The following ATP2B2 variants were observed in gnomAD, a reference collection of about 807,000 sequenced individuals.
The protein encoded by ATP2B2 is plasma membrane calcium-transporting ATPase 2.
In ATP2B2, 15 loss-of-function variants were observed where a neutral mutation model predicts 120.0. The ratio of observed to expected loss-of-function variants is 0.12; its 90% CI spans 0.08 to 0.19. ATP2B2 has a LOEUF of 0.19. ATP2B2 is among the 10% of genes least tolerant of loss of function. The probability of loss-of-function intolerance (pLI) is 1.00; values close to 1 mark genes in which losing one functional copy is unlikely to be tolerated. For missense variants in ATP2B2, 1,045 were observed against 1,719.8 expected (o/e 0.61, Z 6.94); for synonymous variants, 694 against 700.3 (o/e 0.99, Z 0.14).
At chr3:10,550,083 C>T (rs1404299656) in intron 2 of ATP2B2, among the ~76,000 whole-genome samples, 2 of 152,250 alleles carry the variant, frequency 1.3e-5, no homozygotes, top group Non-Finnish European at 2.9e-5. Context: ...ACTTGTATCA[C>T]ATGACAGGTC....
At chr3:10,514,560 T>C (rs1418804507) in intron 3 of ATP2B2, among the ~76,000 whole-genome samples, 1 of 152,188 alleles carries the variant, frequency 6.6e-6, no homozygotes. Context: ...TAGCTTTCCA[T>C]TTTACAGATA....
intron 2 of ATP2B2, among the ~76,000 whole-genome samples, chr3:10,579,010 A>T (rs1419141161): frequency 3.9e-5 from 6 of 152,136 alleles, no homozygotes; most frequent in South Asian, 2.1e-4. Flanking sequence ...AGAGGTAAAA[A>T]TTCACCCAGG....
At chr3:10,385,205 G>T in intron 8 of ATP2B2, 63 bp downstream of exon 8, 1 of 1,528,288 alleles carries the variant, frequency 6.5e-7, no homozygotes, top group Non-Finnish European at 9.1e-7. Flanking sequence ...AAAGCCCAAA[G>T]TTGGGGTGGG....
At chr3:10,493,165 A>G (rs1215310687) in intron 1 of ATP2B2, among the ~76,000 whole-genome samples, 12 of 152,324 alleles carry the variant, frequency 7.9e-5, no homozygotes, top group Admixed American at 7.2e-4. Flanking sequence ...CAGACAGACA[A>G]CAAACAAGGG....
At position 10,550,422 on chromosome 3, in the gene ATP2B2, C is replaced by A. The variant is rs145101744; in HGVS notation, c.-414-16289G>T. On this transcript the variant is annotated intron_variant, in intron 2 of 21. Coordinates refer to the ATP2B2 transcript ENST00000646379. ...CTATATAATAAATTTTGATTTTTCC[C>A]TTTTTTATTTAGCATAGAAATAAAC... Among the ~76,000 whole-genome samples, 536 of 152,182 alleles carry A rather than the reference C, an allele frequency of 3.5e-3. 1 individual carries two copies. The highest frequency in any genetic ancestry group is 6.1e-3 in the Non-Finnish European group (417 of 68,002).
intron 2 of ATP2B2, among the ~76,000 whole-genome samples, chr3:10,582,634 G>T (rs1328627682): frequency 6.6e-6 from 1 of 152,258 alleles, no homozygotes; most frequent in Non-Finnish European, 1.5e-5. Context: ...TGATGTTTGA[G>T]CTGAGAATGG....
intron 1 of ATP2B2, among the ~76,000 whole-genome samples, chr3:10,675,109 C>T (rs778841283): frequency 5.3e-5 from 8 of 152,164 alleles, no homozygotes; most frequent in South Asian, 4.1e-4. Flanking sequence ...TCTACATAGG[C>T]GATGTGGGAA....
chr3:10,513,493 G>A (rs530396756), intron 3 of ATP2B2, among the ~76,000 whole-genome samples: 21 of 152,314 alleles, frequency 1.4e-4, no homozygotes, highest in Non-Finnish European at 2.4e-4. Flanking sequence ...GATGGAACCC[G>A]AAGATGAACA....
chr3:10,588,945 T>TA (rs1197349755), intron 2 of ATP2B2, among the ~76,000 whole-genome samples: 1 of 152,232 alleles, frequency 6.6e-6, no homozygotes, highest in Non-Finnish European at 1.5e-5. Context: ...GCCTGTGTGT[T>TA]AGATATTAGG....
chr3:10,409,847 A>G (rs56847834), intron 3 of ATP2B2, among the ~76,000 whole-genome samples: 10,693 of 152,298 alleles, frequency 0.07, 523 homozygotes, highest in African/African-American at 0.13. Context: ...TATGCAGCAC[A>G]TTCATTAGGA....
intron 1 of ATP2B2, among the ~76,000 whole-genome samples, chr3:10,474,478 G>C (rs1020730495): frequency 4.6e-5 from 7 of 152,178 alleles, no homozygotes; most frequent in African/African-American, 1.7e-4. Flanking sequence ...GCCAGAGAAG[G>C]GAAAAGACTC....
At position 10,585,140 on chromosome 3, in the gene ATP2B2, T is replaced by C. The variant is rs568599204; in HGVS notation, c.-415+34777A>G. ...TCCCACAGAGCAGCCAGATGGATCA[T>C]TCCAAAGCACAGGTCACGCCACACC... is the stretch of plus-strand genomic sequence containing the variant. On this transcript the variant is annotated intron_variant, in intron 2 of 21. Coordinates refer to the ATP2B2 transcript ENST00000646379. Among the ~76,000 whole-genome samples, 7 of 152,256 alleles carry C rather than the reference T, an allele frequency of 4.6e-5. No homozygotes were observed. In the East Asian group the frequency reaches 1.4e-3, roughly 29 times the overall value.
At chr3:10,410,115 C>A (rs2062557198) in intron 3 of ATP2B2, among the ~76,000 whole-genome samples, 1 of 152,126 alleles carries the variant, frequency 6.6e-6, no homozygotes, top group Non-Finnish European at 1.5e-5. Flanking sequence ...CAGATTAACC[C>A]CCTTTTCTGT....
At chr3:10,505,642 A>C, upstream of ATP2B2, 1 of 137,346 alleles carries the variant, frequency 7.3e-6, no homozygotes, top group Non-Finnish European at 1.6e-5. Flanking sequence ...CGCCGGTTCT[A>C]GGAGAGCATC....
intron 2 of ATP2B2, among the ~76,000 whole-genome samples, chr3:10,602,356 A>G (rs145568626): frequency 5.4e-4 from 82 of 152,258 alleles, no homozygotes; most frequent in African/African-American, 1.7e-3. Context: ...CTTTCCACAG[A>G]GTGTGTCCTT....
chr3:10,516,805 C>T (rs374691133), intron 3 of ATP2B2, among the ~76,000 whole-genome samples: 1 of 152,334 alleles, frequency 6.6e-6, no homozygotes, highest in East Asian at 1.9e-4. Context: ...TCCTTGTTTC[C>T]TCATCTGCAA....
intron 5 of ATP2B2, among the ~76,000 whole-genome samples, chr3:10,390,526 G>A (rs1410691812): frequency 1.3e-5 from 2 of 150,846 alleles, no homozygotes; most frequent in Admixed American, 6.6e-5. Flanking sequence ...GTGTGTGTGC[G>A]CTTGCAACAA....
intron 1 of ATP2B2, among the ~76,000 whole-genome samples, chr3:10,474,948 C>G (rs1575343907): frequency 6.6e-6 from 1 of 152,332 alleles, no homozygotes; most frequent in East Asian, 1.9e-4. Flanking sequence ...CATGGTGAAC[C>G]CTCATGCATT....
Position 10,375,377 on chromosome 3 carries a change from G to T in ATP2B2, c.1416+53C>A. 6.7e-7 allele frequency: 1 copy of T among 1,482,394 alleles called. No homozygotes were observed. Among genetic ancestry groups the T allele is most frequent in the Non-Finnish European group, 9.4e-7 (1 of 1,068,588 alleles). The allele number at this position is 1,482,394 out of a possible 1,614,324, so 91.8% of individuals were successfully genotyped here. A position where few individuals can be genotyped will look rare whatever the true frequency, so the allele number is the denominator to read the frequency against. On this transcript the variant is annotated intron_variant, in intron 11 of 22. Transcript: ENST00000360273. This position sits in a 1 kb window ranked among gnomAD's most constrained non-coding sequence, Gnocchi z 4.2. ...GCACCAGCCCCAGTGATTCCCCCAG[G>T]CCCTCAGCTGCAGCTGCATCAGCCG...
Sources: gnomAD v4.1 joint callset for allele counts (sites outside exome capture counted in the v4.1 genomes callset) on GRCh38, gnomAD v4.1.1 for gene constraint, Gnocchi (gnomAD v3.1) non-coding constraint, MANE v1.5 for transcripts, NCBI Gene and HGNC (gene_info 2026-07-23, HGNC 2026-07-21) for gene names.